MORC1: variants seen among roughly 807,000 people sequenced by gnomAD.
MORC1 encodes the protein MORC family CW-type zinc finger 1, also known as MORC family CW-type zinc finger protein 1.
A neutral mutation model predicts 134.9 loss-of-function variants in MORC1; 59 were observed. The ratio of observed to expected loss-of-function variants is 0.44; its 90% CI spans 0.35 to 0.54. The LOEUF (loss-of-function observed/expected upper bound fraction) is 0.54, where lower values mean the gene tolerates loss of function less well. MORC1 is among the 20% of genes least tolerant of loss of function. The probability of loss-of-function intolerance (pLI) is 0.00; values close to 1 mark genes in which losing one functional copy is unlikely to be tolerated. For synonymous variants in MORC1, 395 were observed against 391.7 expected, an observed-to-expected ratio of 1.01 and a Z score of -0.10; for missense variants, 947 against 1,134.5, an observed-to-expected ratio of 0.83 and a Z score of 2.37.
chr3:108,995,583 T>C (rs1416692512), intron 21 of MORC1, among the ~76,000 whole-genome samples: 3 of 152,200 alleles, frequency 2.0e-5, no homozygotes, highest in Admixed American at 1.3e-4. Context: ...AGAAAAATAC[T>C]TTCTTTTTTT....
At chr3:108,981,943 A>G (rs1032760790) in intron 23 of MORC1, among the ~76,000 whole-genome samples, 2 of 152,228 alleles carry the variant, frequency 1.3e-5, no homozygotes, top group Admixed American at 1.3e-4. Context: ...GCACAGCAAA[A>G]GAAACTACCA....
intron 21 of MORC1, among the ~76,000 whole-genome samples, chr3:108,987,156 GTCATGTTTAC>G (rs1210119839): frequency 4.6e-5 from 7 of 152,110 alleles, no homozygotes; most frequent in Non-Finnish European, 8.8e-5. Context: ...CATTATCATA[GTCATGTTTAC>G]TCATTTGATT....
chr3:109,017,467 A>G (rs1948843097), intron 17 of MORC1, among the ~76,000 whole-genome samples: 1 of 152,218 alleles, frequency 6.6e-6, no homozygotes. Context: ...TAAACGAAAA[A>G]TGTAAATAGT....
Position 109,115,225 on chromosome 3 carries a change from G to A in MORC1, c.66-788C>T, listed in dbSNP as rs566558419. ...TAGTAAACAGGTAACAGAAGCAAGA[G>A]AGCCTCATTTATCAAAAATACATCT... is the stretch of plus-strand genomic sequence containing the variant. On this transcript the variant is annotated intron_variant, in intron 1 of 27. Transcript: ENST00000232603. Among the ~76,000 whole-genome samples the A allele has an allele frequency of 7.9e-5, 12 of 152,284 alleles. No homozygotes were observed. In the East Asian group the frequency reaches 1.9e-3, roughly 24 times the overall value.
chr3:109,061,909 A>G, intron 11 of MORC1, 79 bp downstream of exon 11: 1 of 1,267,154 alleles, frequency 7.9e-7, no homozygotes, highest in Non-Finnish European at 1.2e-6. Context: ...GAAGTAGATG[A>G]TAAGAGACAA....
intron 2 of MORC1, among the ~76,000 whole-genome samples, chr3:109,111,480 A>T (rs1450071918): frequency 6.6e-6 from 1 of 152,106 alleles, no homozygotes; most frequent in Non-Finnish European, 1.5e-5. Flanking sequence ...GAGAGTACTG[A>T]TGAAGACTGT....
At chr3:109,108,980 G>GA (rs1224601634) in intron 3 of MORC1, among the ~76,000 whole-genome samples, 1 of 151,642 alleles carries the variant, frequency 6.6e-6, no homozygotes, top group African/African-American at 2.4e-5. Flanking sequence ...ACTGACTGCA[G>GA]AAAAAACCTT....
At chr3:108,971,855 A>AG (rs760568572) in intron 24 of MORC1, among the ~76,000 whole-genome samples, 8 of 151,858 alleles carry the variant, frequency 5.3e-5, no homozygotes, top group Non-Finnish European at 8.8e-5. Flanking sequence ...GGCAGGGAGG[A>AG]GAAAAAAAAA....
chr3:108,971,385 A>G lies in MORC1; in HGVS notation c.2495T>C (p.Phe832Ser). ...TGATGGTAGCTGATGCTCAGGAAAA[A>G]AATACAGAAGAATCTCCCTAGGAAT... Reference protein sequence around the residue: ...KSKLREILLYFFPEHQLPSEL... With the variant: ...KSKLREILLYSFPEHQLPSEL... The change falls in exon 25 of 28, where the codon TTT becomes TCT. Residue 832 changes from phenylalanine to serine, a missense_variant. Around this residue, in one of 3 missense-constraint regions of MORC1, gnomAD observed 722 missense variants for 817.0 expected, o/e 0.88. Coordinates refer to ENST00000232603, the MANE Select transcript of MORC1 (RefSeq NM_014429.4). 1 of 1,613,172 alleles carries G rather than the reference A, an allele frequency of 6.2e-7. No homozygotes were observed. Among genetic ancestry groups the G allele is most frequent in the Non-Finnish European group, 8.5e-7 (1 of 1,179,258 alleles).
At chr3:109,059,523 C>T (rs1950032492) in intron 12 of MORC1, among the ~76,000 whole-genome samples, 1 of 152,166 alleles carries the variant, frequency 6.6e-6, no homozygotes. Context: ...CTCATCCAGA[C>T]ATTTTCATCT....
In MORC1 at chr3:108,990,508, C is replaced by T. The variant is rs547582001; in HGVS notation, c.2188-3559G>A. Among the ~76,000 whole-genome samples, 251 of 152,270 alleles carry T rather than the reference C, an allele frequency of 1.6e-3. 1 individual carries two copies. The highest frequency in any genetic ancestry group is 5.8e-3 in the African/African-American group (241 of 41,548). On this transcript the variant is annotated intron_variant, in intron 21 of 27. Coordinates refer to ENST00000232603, the MANE Select transcript of MORC1 (RefSeq NM_014429.4). ...AGCATCCACTCAGTGGGGCCATCTGCGGTCACTCTACCTAAAATTGCAACT... is the reference window on the plus strand; with the variant it reads ...AGCATCCACTCAGTGGGGCCATCTGTGGTCACTCTACCTAAAATTGCAACT...
Position 109,020,549 on chromosome 3 carries a change from G to A in MORC1, c.1704+7202C>T, listed in dbSNP as rs374502242. Among the ~76,000 whole-genome samples, 52 of 152,134 alleles carry A rather than the reference G, an allele frequency of 3.4e-4. 1 individual carries two copies. The South Asian group carries it at 8.5e-3, about 25-fold the overall frequency. ...TGGGAGGCCGAGGCGGGTGGATCAC[G>A]AGGTCAGGAGATCGAGACCATCCTG... On this transcript the variant is annotated intron_variant, in intron 17 of 27. Coordinates refer to ENST00000232603, the MANE Select transcript of MORC1 (RefSeq NM_014429.4).
At chr3:109,111,235 CTT>C (rs1951163399) in intron 2 of MORC1, among the ~76,000 whole-genome samples, 1 of 152,030 alleles carries the variant, frequency 6.6e-6, no homozygotes, top group African/African-American at 2.4e-5. Context: ...GGAGTTTTCT[CTT>C]TGTTAGAGGT....
intron 21 of MORC1, among the ~76,000 whole-genome samples, chr3:108,993,925 C>A (rs905770851): frequency 6.6e-6 from 1 of 152,096 alleles, no homozygotes; most frequent in Non-Finnish European, 1.5e-5. Context: ...AAAACATAAA[C>A]CTAGACACGG....
chr3:109,088,346 G>A (rs1442068298), intron 8 of MORC1, among the ~76,000 whole-genome samples: 2 of 151,844 alleles, frequency 1.3e-5, no homozygotes, highest in African/African-American at 2.4e-5. Context: ...GTCTAATATC[G>A]AGCATCTGTA....
chr3:109,040,996 C>A (rs1033237267), intron 14 of MORC1, among the ~76,000 whole-genome samples: 4 of 151,694 alleles, frequency 2.6e-5, no homozygotes, highest in Admixed American at 6.6e-5. Context: ...TAGAGGGATA[C>A]AGAGTCAGAT....
At chr3:109,109,083 G>A (rs1156779202) in intron 3 of MORC1, among the ~76,000 whole-genome samples, 1 of 152,102 alleles carries the variant, frequency 6.6e-6, no homozygotes, top group African/African-American at 2.4e-5. Flanking sequence ...TTTTTCACCA[G>A]ACATCTGTGT....
intron 14 of MORC1, among the ~76,000 whole-genome samples, chr3:109,050,832 T>G (rs1949806757): frequency 6.6e-6 from 1 of 152,186 alleles, no homozygotes; most frequent in Non-Finnish European, 1.5e-5. Context: ...AAAACGGCAG[T>G]GAGAGTGAGC....
chr3:109,063,214 G>T lies in MORC1; in HGVS notation c.833C>A (p.Thr278Lys). 2 of 1,587,208 alleles carry T rather than the reference G, an allele frequency of 1.3e-6. No individual in the cohort carries two copies. Among genetic ancestry groups the T allele is most frequent in the Non-Finnish European group, 1.7e-6 (2 of 1,158,250 alleles). The change falls in exon 10 of 28, where the codon ACA becomes AAA. Residue 278 changes from threonine to lysine, a missense_variant. Around this residue, in one of 3 missense-constraint regions of MORC1, gnomAD observed 722 missense variants for 817.0 expected, o/e 0.88. Coordinates refer to ENST00000232603, the MANE Select transcript of MORC1 (RefSeq NM_014429.4). ...TTTAAATGCTCCTTTAAAAGAAGAT[G>T]TGACATAAAGATACTTTCTGGAAAG... ...LYRPRKYLYV[T>K]SSFKGAFKDE...
Sources: allele counts gnomAD v4.1 joint callset (sites outside exome capture counted in the v4.1 genomes callset), GRCh38; gene constraint gnomAD v4.1.1; regional missense constraint gnomAD v4.1.1; transcripts MANE v1.5; gene names NCBI Gene and HGNC (gene_info 2026-07-23, HGNC 2026-07-21).